The following AR variants were observed in gnomAD, a reference collection of about 807,000 sequenced individuals.
AR encodes dihydrotestosterone receptor.
Under a neutral mutation model 53.9 loss-of-function variants are expected in AR, and 8 were observed. The ratio of observed to expected loss-of-function variants is 0.15; its 90% CI spans 0.09 to 0.27. The LOEUF is 0.27. Ranked by LOEUF, AR falls within the 10% of genes least tolerant of loss-of-function variation. The pLI, the probability that AR is intolerant of heterozygous loss-of-function variation, is 1.00. For synonymous variants in AR, 359 were observed against 316.4 expected, an observed-to-expected ratio of 1.13 and a Z score of -1.43; for missense variants, 639 against 742.5, an observed-to-expected ratio of 0.86 and a Z score of 1.62.
chrX:67,617,757 G>A (rs1327273724), intron 1 of AR, among the ~76,000 whole-genome samples: 1 of 111,297 alleles, frequency 9.0e-6, no homozygotes, highest in Non-Finnish European at 1.9e-5. Flanking sequence ...GTCATGCAAA[G>A]AGTTAGTGTC....
intron 2 of AR, among the ~76,000 whole-genome samples, chrX:67,675,245 C>G (rs2075892726): frequency 9.2e-6 from 1 of 108,357 alleles, no homozygotes; most frequent in African/African-American, 3.4e-5. Flanking sequence ...GAGTTGGGAG[C>G]TGCATTGCCT....
At position 67,728,666 on chromosome X, in the gene AR, G is replaced by T; in HGVS notation, c.*4825G>T. On this transcript the variant is annotated 3_prime_UTR_variant, in exon 8 of 8. Coordinates refer to ENST00000374690, the MANE Select transcript of AR (RefSeq NM_000044.6). ...TAACTTTCTCTGCATCTTTATATTT[G>T]GTTCCAGATCACACCTGATGCCATG... 1 of 99,208 alleles carries T rather than the reference G, an allele frequency of 1.0e-5. No homozygotes were observed. Among genetic ancestry groups the T allele is most frequent in the Non-Finnish European group, 1.9e-5 (1 of 53,965 alleles). The allele number at this position is 99,208 out of a possible 1,213,427, so 8.2% of individuals were successfully genotyped here.
At chrX:67,581,723 G>A (rs755903416) in intron 1 of AR, among the ~76,000 whole-genome samples, 2 of 111,965 alleles carry the variant, frequency 1.8e-5, no homozygotes, top group African/African-American at 6.5e-5. Flanking sequence ...TCTCAAAGAG[G>A]TTAGTTTACA....
chrX:67,699,310 A>G (rs2076033179), intron 3 of AR, among the ~76,000 whole-genome samples: 1 of 111,846 alleles, frequency 8.9e-6, no homozygotes, highest in East Asian at 2.8e-4. Context: ...AAGCTCATGT[A>G]ATTATTGCAG....
At chrX:67,655,069 A>G (rs1926524051) in intron 2 of AR, among the ~76,000 whole-genome samples, 1 of 107,244 alleles carries the variant, frequency 9.3e-6, no homozygotes, top group Non-Finnish European at 1.9e-5. Flanking sequence ...CTCTGTCTTC[A>G]CCCACTCTTC....
intron 2 of AR, among the ~76,000 whole-genome samples, chrX:67,673,375 C>CTG (rs2075878416): frequency 9.3e-6 from 1 of 107,248 alleles, no homozygotes; most frequent in East Asian, 2.9e-4. Flanking sequence ...CTCTGTCTCT[C>CTG]TCTCTCTCTC....
At chrX:67,667,007 G>T (rs1205604999) in intron 2 of AR, among the ~76,000 whole-genome samples, 1 of 110,793 alleles carries the variant, frequency 9.0e-6, no homozygotes, top group Non-Finnish European at 1.9e-5. Context: ...CTCTCATTCT[G>T]TGGGTTGTCT....
At chrX:67,700,524 G>A (rs779447086) in intron 3 of AR, among the ~76,000 whole-genome samples, 5 of 111,415 alleles carry the variant, frequency 4.5e-5, no homozygotes, top group Admixed American at 9.6e-5. Flanking sequence ...TTTCAATTAC[G>A]TTCAGTATAG....
At position 67,667,485 on chromosome X, in the gene AR, A is replaced by C. The variant is rs763571962; in HGVS notation, c.1769-18525A>C. Among the ~76,000 whole-genome samples, 5 of 111,601 alleles carry C rather than the reference A, an allele frequency of 4.5e-5. No homozygotes were observed. In the East Asian group the frequency reaches 1.4e-3, roughly 32 times the overall value. ...TCTGTAGTATAATTTGAAATCAGGT[A>C]ATGTGATTCTTCCAGTTTTGCTCTG... On this transcript the variant is annotated intron_variant, in intron 2 of 7. Coordinates refer to ENST00000374690, the MANE Select transcript of AR (RefSeq NM_000044.6).
chrX:67,661,507 G>A (rs901138630), intron 2 of AR, among the ~76,000 whole-genome samples: 6 of 111,678 alleles, frequency 5.4e-5, no homozygotes, highest in Non-Finnish European at 1.1e-4. Flanking sequence ...TTTATATGCT[G>A]GATTATGTTT....
chrX:67,618,138 G>T (rs750081455), intron 1 of AR, among the ~76,000 whole-genome samples: 2 of 111,457 alleles, frequency 1.8e-5, no homozygotes, highest in South Asian at 7.5e-4. Flanking sequence ...TTAATGTGTA[G>T]TGTAGAAAGA....
intron 1 of AR, among the ~76,000 whole-genome samples, chrX:67,586,843 C>T (rs774432095): frequency 6.3e-5 from 7 of 111,688 alleles, no homozygotes; most frequent in Non-Finnish European, 1.1e-4. Context: ...TGTATTGCTT[C>T]TATTTAAGAC....
chrX:67,546,502 T>A lies in AR; in HGVS notation c.1356T>A (p.Gly452=). 1.3e-6 allele frequency: 1 copy of A among 787,144 alleles called. No homozygotes were observed. Among genetic ancestry groups the A allele is most frequent in the South Asian group, 4.6e-5 (1 of 21,710 alleles). 64.9% of individuals were successfully genotyped at this position (787,144 alleles called of 1,213,427 possible). A position where few individuals can be genotyped will look rare whatever the true frequency, so the allele number is the denominator to read the frequency against. ...GCCAGTTGTATGGACCGTGTGGTGG[T>A]GGTGGGGGTGGTGGCGGCGGCGGCG... The part of the protein sequence containing the change: ...EEGQLYGPCG[G]GGGGGGGGGG... The change falls in exon 1 of 8, where the codon GGT becomes GGA. Residue 452 remains glycine (G), a synonymous_variant. Transcript: ENST00000374690.
chrX:67,572,099 GA>G (rs1921840595), intron 1 of AR, among the ~76,000 whole-genome samples: 1 of 111,172 alleles, frequency 9.0e-6, no homozygotes, highest in Admixed American at 9.6e-5. Context: ...TTATTTAAGG[GA>G]AAAAATAAGA....
rs1407592661 is a variant in AR at position 67,726,736 on chromosome X, G to A, written c.*2895G>A. On this transcript the variant is annotated 3_prime_UTR_variant, in exon 8 of 8. Coordinates refer to ENST00000374690, the MANE Select transcript of AR (RefSeq NM_000044.6). ...GTTCTCCCATGGATGAAAGGAGGAG[G>A]ATTTTTTTTTTCTTTTGGCCATTGA... The A allele has an allele frequency of 5.8e-6, 1 of 173,586 alleles. No homozygotes were observed. The highest frequency in any genetic ancestry group is 3.0e-5 in the African/African-American group (1 of 33,850). The allele number at this position is 173,586 out of a possible 1,213,427, so 14.3% of individuals were successfully genotyped here. A position where few individuals can be genotyped will look rare whatever the true frequency, so the allele number is the denominator to read the frequency against.
chrX:67,546,999 C>T (rs1318140463), intron 1 of AR, among the ~76,000 whole-genome samples: 2 of 110,353 alleles, frequency 1.8e-5, no homozygotes, highest in African/African-American at 3.3e-5. Flanking sequence ...TTCTTCAACT[C>T]CCCCAACCGC....
Position 67,569,120 on chromosome X carries a change from T to A in AR, c.1616+22358T>A, listed in dbSNP as rs1921690334. On this transcript the variant is annotated intron_variant, in intron 1 of 7. Coordinates refer to ENST00000374690, the MANE Select transcript of AR (RefSeq NM_000044.6). ...ACCTAATATTACGCAGCCATGACATTATCTATTAGGCATCTAGACTAGCTT... is the reference window on the plus strand; with the variant it reads ...ACCTAATATTACGCAGCCATGACATAATCTATTAGGCATCTAGACTAGCTT... 4.1e-6 allele frequency: 4 copies of A among 964,132 alleles called. No homozygotes were observed. The South Asian group carries it at 8.0e-5, about 19-fold the overall frequency. 79.5% of individuals were successfully genotyped at this position (964,132 alleles called of 1,213,427 possible).
chrX:67,655,978 A>G (rs1338190121), intron 2 of AR, among the ~76,000 whole-genome samples: 1 of 112,030 alleles, frequency 8.9e-6, no homozygotes, highest in Admixed American at 9.5e-5. Context: ...ATTTGATAGT[A>G]GTTATTTTTG....
At chrX:67,657,712 A>G (rs968729671) in intron 2 of AR, among the ~76,000 whole-genome samples, 5 of 112,001 alleles carry the variant, frequency 4.5e-5, no homozygotes, top group Non-Finnish European at 5.6e-5. Context: ...CCCTAACACA[A>G]CAAATACTTA....
Sources: gnomAD v4.1 joint callset for allele counts (sites outside exome capture counted in the v4.1 genomes callset) on GRCh38, gnomAD v4.1.1 for gene constraint, MANE v1.5 for transcripts, NCBI Gene and HGNC (gene_info 2026-07-23, HGNC 2026-07-21) for gene names.